PARD3: variants seen among roughly 807,000 people sequenced by gnomAD.
The protein encoded by PARD3 is partitioning defective 3 homolog.
In PARD3, 75 loss-of-function variants were observed where a neutral mutation model predicts 155.4. The observed-to-expected ratio is 0.48, with a 90% CI of 0.40 to 0.58. The LOEUF (loss-of-function observed/expected upper bound fraction) is 0.58, where lower values mean the gene tolerates loss of function less well. PARD3 is among the 20% of genes least tolerant of loss of function. The pLI is 0.00. For missense variants in PARD3, 1,642 were observed against 1,721.7 expected (o/e 0.95, Z 0.82); for synonymous variants, 576 against 610.5 (o/e 0.94, Z 0.83).
chr10:34,813,637 A>G (rs1273963433), intron 1 of PARD3, among the ~76,000 whole-genome samples: 2 of 152,200 alleles, frequency 1.3e-5, no homozygotes, highest in Non-Finnish European at 2.9e-5. Context: ...TATTTTTTCC[A>G]ATATATACTA....
intron 14 of PARD3, among the ~76,000 whole-genome samples, chr10:34,349,366 G>A: frequency 6.6e-6 from 1 of 152,020 alleles, no homozygotes; most frequent in Non-Finnish European, 1.5e-5. Context: ...CAAACTGCAG[G>A]AGAATAATAA....
intron 12 of PARD3, 141 bp downstream of exon 12, chr10:34,372,357 C>A: frequency 1.5e-6 from 1 of 661,732 alleles, no homozygotes. Flanking sequence ...AATAAGACCA[C>A]TTTGGCATTT....
chr10:34,506,036 G>C (rs1329622463), intron 3 of PARD3, among the ~76,000 whole-genome samples: 2 of 152,082 alleles, frequency 1.3e-5, no homozygotes, highest in Non-Finnish European at 2.9e-5. Context: ...TGAGGCAGGA[G>C]AATCACTTGA....
At chr10:34,594,830 AAAAAT>A (rs1404904667) in intron 2 of PARD3, among the ~76,000 whole-genome samples, 4 of 152,170 alleles carry the variant, frequency 2.6e-5, no homozygotes, top group Non-Finnish European at 4.4e-5. Context: ...CCTGTCTCAA[AAAAAT>A]AAAATAAAAT....
intron 22 of PARD3, among the ~76,000 whole-genome samples, chr10:34,257,057 T>C (rs182608538): frequency 9.8e-4 from 149 of 151,884 alleles, no homozygotes; most frequent in African/African-American, 3.2e-3. Flanking sequence ...AATCAACCAA[T>C]TGGGGAAAAA....
intron 22 of PARD3, among the ~76,000 whole-genome samples, chr10:34,227,366 T>C (rs995913851): frequency 6.6e-6 from 1 of 152,246 alleles, no homozygotes; most frequent in Non-Finnish European, 1.5e-5. Context: ...CTGGGCGCTG[T>C]GGCTCACGCC....
At chr10:34,519,058 A>T (rs558504397) in intron 2 of PARD3, among the ~76,000 whole-genome samples, 1 of 152,314 alleles carries the variant, frequency 6.6e-6, no homozygotes, top group South Asian at 2.1e-4. Flanking sequence ...ACATCAGACA[A>T]ACCCAAATTG....
chr10:34,396,769 T>C (rs1304211261), intron 7 of PARD3, among the ~76,000 whole-genome samples: 2 of 152,146 alleles, frequency 1.3e-5, no homozygotes, highest in African/African-American at 4.8e-5. Flanking sequence ...CTACTAGATA[T>C]ATGTGCAATT....
At chr10:34,268,720 T>C (rs954913290) in intron 22 of PARD3, among the ~76,000 whole-genome samples, 12 of 151,952 alleles carry the variant, frequency 7.9e-5, no homozygotes, top group South Asian at 4.2e-4. Flanking sequence ...TAGGTGGGAA[T>C]TGAACAATGA....
chr10:34,636,138 C>T (rs888169398), intron 2 of PARD3, among the ~76,000 whole-genome samples: 3 of 152,120 alleles, frequency 2.0e-5, no homozygotes, highest in African/African-American at 7.2e-5. Context: ...CAAAACTCTT[C>T]AACGGTTTTT....
At chr10:34,285,993 C>A (rs1444084030) in intron 20 of PARD3, among the ~76,000 whole-genome samples, 1 of 152,112 alleles carries the variant, frequency 6.6e-6, no homozygotes, top group Non-Finnish European at 1.5e-5. Context: ...TTCTCCAGAA[C>A]TGAAATCCAG....
intron 2 of PARD3, among the ~76,000 whole-genome samples, chr10:34,555,922 A>G (rs1359991773): frequency 6.6e-6 from 1 of 152,190 alleles, no homozygotes; most frequent in African/African-American, 2.4e-5. Context: ...GGACCCTTTG[A>G]TCTAAGTGGA....
At chr10:34,736,638 CTTTATTAATTAATTAA>C (rs759086098) in intron 1 of PARD3, among the ~76,000 whole-genome samples, 34 of 136,446 alleles carry the variant, frequency 2.5e-4, no homozygotes, top group Admixed American at 4.4e-4. Context: ...AAATAGGTTA[CTTTATTAATTAATTAA>C]TTTATTTATT....
At chr10:34,741,945 T>A (rs907999869) in intron 1 of PARD3, among the ~76,000 whole-genome samples, 1 of 152,162 alleles carries the variant, frequency 6.6e-6, no homozygotes, top group East Asian at 1.9e-4. Context: ...ATGTACAATA[T>A]AACAATAAGG....
At chr10:34,464,110 G>T (rs1414775224) in intron 4 of PARD3, among the ~76,000 whole-genome samples, 1 of 127,482 alleles carries the variant, frequency 7.8e-6, no homozygotes, top group Non-Finnish European at 1.6e-5. Flanking sequence ...TAGACCCGAG[G>T]TCCTGCGGGA....
intron 20 of PARD3, among the ~76,000 whole-genome samples, chr10:34,311,259 A>AT (rs1005146341): frequency 5.9e-5 from 9 of 151,510 alleles, no homozygotes; most frequent in African/African-American, 1.5e-4. Context: ...TCAGTTATTT[A>AT]TTTTTTTTTA....
intron 5 of PARD3, among the ~76,000 whole-genome samples, chr10:34,411,861 T>G (rs1845105428): frequency 6.6e-6 from 1 of 151,986 alleles, no homozygotes. Context: ...ATATACTCTT[T>G]GCAAGTTTAT....
chr10:34,220,133 T>C (rs1389232884), intron 22 of PARD3, among the ~76,000 whole-genome samples: 1 of 152,154 alleles, frequency 6.6e-6, no homozygotes, highest in Non-Finnish European at 1.5e-5. Context: ...TCACCTTCCT[T>C]TTGTCCTCTT....
intron 1 of PARD3, among the ~76,000 whole-genome samples, chr10:34,713,510 A>G (rs1408909096): frequency 6.6e-6 from 1 of 152,126 alleles, no homozygotes; most frequent in East Asian, 1.9e-4. Flanking sequence ...GTAATCCCAG[A>G]ACACTTTGGG....
Sources: allele counts gnomAD v4.1 joint callset (sites outside exome capture counted in the v4.1 genomes callset), GRCh38; gene constraint gnomAD v4.1.1; transcripts MANE v1.5; gene names NCBI Gene and HGNC (gene_info 2026-07-23, HGNC 2026-07-21).